Variants in GABRG3 observed in about 807,000 individuals in gnomAD.
The protein encoded by GABRG3 is gamma-aminobutyric acid type A receptor subunit gamma3.
Under a neutral mutation model 48.8 loss-of-function variants are expected in GABRG3, and 25 were observed. The ratio of observed to expected loss-of-function variants is 0.51; its 90% CI spans 0.37 to 0.72. The LOEUF (loss-of-function observed/expected upper bound fraction) is 0.72, where lower values mean the gene tolerates loss of function less well. GABRG3 is among the 30% of genes least tolerant of loss of function. The probability of loss-of-function intolerance (pLI) is 0.00; values close to 1 mark genes in which losing one functional copy is unlikely to be tolerated. For synonymous variants in GABRG3, 227 were observed against 217.6 expected (o/e 1.04, Z -0.38); for missense variants, 394 against 577.9 (o/e 0.68, Z 3.26).
chr15:27,268,501 T>TG (rs1330889851), intron 3 of GABRG3, among the ~76,000 whole-genome samples: 1 of 151,920 alleles, frequency 6.6e-6, no homozygotes, highest in Non-Finnish European at 1.5e-5. Flanking sequence ...TTTTCTCAAT[T>TG]TTTTTATTTC....
chr15:27,366,093 T>C (rs1895189842), intron 5 of GABRG3: 1 of 152,190 alleles, frequency 6.6e-6, no homozygotes, highest in African/African-American at 2.4e-5. Context: ...CTGTAGTTCG[T>C]GGAAACAAAC....
intron 3 of GABRG3, among the ~76,000 whole-genome samples, chr15:27,118,481 CA>C (rs1897680017): frequency 6.6e-6 from 1 of 152,178 alleles, no homozygotes; most frequent in Non-Finnish European, 1.5e-5. Context: ...GCCATGGCAG[CA>C]ATGTCCATTA....
intron 3 of GABRG3, among the ~76,000 whole-genome samples, chr15:27,300,919 A>C (rs1328857014): frequency 6.6e-6 from 1 of 152,122 alleles, no homozygotes; most frequent in Non-Finnish European, 1.5e-5. Context: ...GTAAGCCAAG[A>C]TCGCACCACT....
chr15:26,972,017 G>A (rs1894855658), intron 1 of GABRG3, among the ~76,000 whole-genome samples: 1 of 151,922 alleles, frequency 6.6e-6, no homozygotes, highest in Non-Finnish European at 1.5e-5. Context: ...GGGAACCGTG[G>A]TTCTAACTGC....
chr15:27,068,298 A>G (rs1896772325), intron 3 of GABRG3, among the ~76,000 whole-genome samples: 1 of 152,370 alleles, frequency 6.6e-6, no homozygotes, highest in Non-Finnish European at 1.5e-5. Flanking sequence ...CTCGCACTGC[A>G]GGAGCTGGGC....
intron 5 of GABRG3, among the ~76,000 whole-genome samples, chr15:27,472,150 A>G (rs567462184): frequency 1.1e-3 from 165 of 152,056 alleles, no homozygotes; most frequent in African/African-American, 3.6e-3. Flanking sequence ...ACTTCCTCTC[A>G]TAGGATTTGA....
At chr15:27,305,227 A>G (rs1220504916) in intron 3 of GABRG3, among the ~76,000 whole-genome samples, 1 of 151,804 alleles carries the variant, frequency 6.6e-6, no homozygotes, top group East Asian at 1.9e-4. Flanking sequence ...TCTATACAGT[A>G]GAACGCAGAC....
intron 2 of GABRG3, among the ~76,000 whole-genome samples, chr15:26,996,775 G>A (rs1045358258): frequency 4.6e-5 from 7 of 151,788 alleles, no homozygotes; most frequent in South Asian, 2.1e-4. Context: ...TCAGCCTCCC[G>A]AGTAGCTGGG....
intron 5 of GABRG3, among the ~76,000 whole-genome samples, chr15:27,444,809 C>T (rs568213160): frequency 2.6e-5 from 4 of 152,234 alleles, no homozygotes; most frequent in African/African-American, 9.6e-5. Flanking sequence ...GAAGTTTGCT[C>T]ATTCATCAAT....
In GABRG3 at chr15:27,219,251, G is replaced by A. The variant is rs532706876; in HGVS notation, c.271-107558G>A. 2.6e-5 allele frequency among the ~76,000 whole-genome samples: 4 copies of A among 152,320 alleles called. No homozygotes were observed. The East Asian group carries it at 5.8e-4, about 22-fold the overall frequency. On this transcript the variant is annotated intron_variant, in intron 3 of 9. Coordinates refer to ENST00000615808, the MANE Select transcript of GABRG3 (RefSeq NM_033223.5). The stretch of plus-strand genomic sequence containing the variant: ...AGAAGCCAGTATTTTCATGTGTGCA[G>A]TGCTCTTGGCCTCAGGGCGGGCTGG...
intron 6 of GABRG3, among the ~76,000 whole-genome samples, chr15:27,483,657 G>A (rs1298556299): frequency 6.6e-6 from 1 of 152,168 alleles, no homozygotes; most frequent in Non-Finnish European, 1.5e-5. Flanking sequence ...TTCCCCCTCT[G>A]GGTGAATCTG....
At chr15:27,361,135 T>A (rs1315294009) in intron 5 of GABRG3, among the ~76,000 whole-genome samples, 2 of 152,214 alleles carry the variant, frequency 1.3e-5, no homozygotes, top group Non-Finnish European at 2.9e-5. Flanking sequence ...TTAGCTTTCC[T>A]GGCTGTATGG....
intron 3 of GABRG3, among the ~76,000 whole-genome samples, chr15:27,216,738 T>TG (rs1379589139): frequency 2.3e-5 from 3 of 129,922 alleles, no homozygotes; most frequent in Non-Finnish European, 3.2e-5. Flanking sequence ...CATTTCTTTT[T>TG]TTTTTTTTAT....
chr15:27,447,642 A>T lies in GABRG3; in HGVS notation c.575-33008A>T, dbSNP rs1249499865. On this transcript the variant is annotated intron_variant, in intron 5 of 9. Transcript: ENST00000615808. The surrounding 1 kb of genome is among the most constrained non-coding windows in gnomAD (Gnocchi z 4.0). ...AAGGACTGGATAAAGAAAACATGGC[A>T]CATATACACTGTGGAATACTATGCA... is the stretch of plus-strand genomic sequence containing the variant. 2.6e-5 allele frequency among the ~76,000 whole-genome samples: 4 copies of T among 152,236 alleles called. No individual in the cohort carries two copies. The highest frequency in any genetic ancestry group is 9.6e-5 in the African/African-American group (4 of 41,468).
Position 27,480,745 on chromosome 15 carries a change from A to T in GABRG3, c.670A>T (p.Met224Leu). 1.2e-6 allele frequency: 2 copies of T among 1,613,802 alleles called. No individual in the cohort carries two copies. The highest frequency in any genetic ancestry group is 1.7e-6 in the Non-Finnish European group (2 of 1,179,806). ...KSWRLYQFDF[M>L]GLRNTTEIVT... ...ATGGCGGCTTTATCAGTTTGACTTC[A>T]TGGGCCTCAGAAACACCACAGAAAT... The change falls in exon 6 of 10, where the codon ATG (methionine) becomes TTG (leucine). Residue 224 changes from methionine (M) to leucine (L), a missense_variant. Coordinates refer to ENST00000615808, the MANE Select transcript of GABRG3 (RefSeq NM_033223.5).
At chr15:27,432,127 T>C (rs1263954728) in intron 5 of GABRG3, among the ~76,000 whole-genome samples, 2 of 152,194 alleles carry the variant, frequency 1.3e-5, no homozygotes, top group Non-Finnish European at 2.9e-5. Context: ...TATTATTGTT[T>C]GGTGATGATT....
intron 2 of GABRG3, among the ~76,000 whole-genome samples, chr15:26,982,641 G>A (rs1694669669): frequency 6.6e-6 from 1 of 152,124 alleles, no homozygotes; most frequent in South Asian, 2.1e-4. Flanking sequence ...AAGGAATTGT[G>A]AATTTCCCAA....
intron 5 of GABRG3, chr15:27,340,770 G>C (rs765032284): frequency 5.9e-6 from 1 of 168,152 alleles, no homozygotes; most frequent in Non-Finnish European, 1.3e-5. Context: ...AATGTAATCC[G>C]AAAGTGCTGT....
chr15:27,015,447 C>A (rs944676313), intron 2 of GABRG3, among the ~76,000 whole-genome samples: 4 of 147,096 alleles, frequency 2.7e-5, no homozygotes, highest in Non-Finnish European at 5.9e-5. Flanking sequence ...TGCAGTGGCG[C>A]AATCTCGGCT....
Sources: gnomAD v4.1 joint callset for allele counts (sites outside exome capture counted in the v4.1 genomes callset) on GRCh38, gnomAD v4.1.1 for gene constraint, Gnocchi (gnomAD v3.1) non-coding constraint, MANE v1.5 for transcripts, NCBI Gene and HGNC (gene_info 2026-07-23, HGNC 2026-07-21) for gene names.